Variants in GNPTG observed in about 807,000 individuals in gnomAD.
GNPTG encodes the protein N-acetylglucosamine-1-phosphate transferase subunit gamma.
GNPTG carries 46 observed loss-of-function variants against 43.8 expected under a neutral mutation model. That is an observed-to-expected ratio of 1.05 (90% CI 0.83 to 1.34). The LOEUF (loss-of-function observed/expected upper bound fraction) is 1.34, where lower values mean the gene tolerates loss of function less well. Ranked by LOEUF, GNPTG falls within the 40% of genes most tolerant of loss-of-function variation. The pLI is 0.00. For missense variants in GNPTG, 549 were observed against 411.3 expected (o/e 1.33, Z -2.90); for synonymous variants, 250 against 172.8 (o/e 1.45, Z -3.50).
At chr16:1,353,032 C>T (rs537270052) in intron 3 of GNPTG, among the ~76,000 whole-genome samples, 9 of 148,268 alleles carry the variant, frequency 6.1e-5, no homozygotes, top group South Asian at 2.1e-4. Context: ...TGCAGTGGCA[C>T]GATCTCGGCT....
intron 3 of GNPTG, chr16:1,361,366 C>T (rs904138679): frequency 1.4e-4 from 40 of 281,654 alleles, no homozygotes; most frequent in Non-Finnish European, 2.2e-4. Context: ...GGTCCTTGGC[C>T]GGGCGCGGTG....
chr16:1,356,268 C>T (rs1046457180), intron 3 of GNPTG, among the ~76,000 whole-genome samples: 2 of 152,078 alleles, frequency 1.3e-5, no homozygotes, highest in African/African-American at 4.8e-5. Flanking sequence ...CCAAGGGCAC[C>T]GGCGAGTGTC....
rs753208354 is a variant in GNPTG at position 1,352,103 on chromosome 16, G to T, written c.54G>T (p.Gly18=). The change falls in exon 2 of 11, where the codon GGG becomes GGT. Residue 18 remains glycine (G), a splice_region_variant and synonymous_variant. Coordinates refer to ENST00000204679, the MANE Select transcript of GNPTG (RefSeq NM_032520.5). The stretch of plus-strand genomic sequence containing the variant: ...CGCTCACGGTCTCGCTCCCCGTAGG[G>T]CCCGCGCCGGCAGGTGCAGCGAAGA... ...LLLLLGLSAG[G]PAPAGAAKMK... The T allele has an allele frequency of 1.3e-6, 2 of 1,571,276 alleles. No individual in the cohort carries two copies. The highest frequency in any genetic ancestry group is 1.7e-6 in the Non-Finnish European group (2 of 1,159,932).
Position 1,362,287 on chromosome 16 carries a change from AC to A in GNPTG, c.499del (p.Leu167SerfsTer9), listed in dbSNP as rs756959430. The A allele has an allele frequency of 6.2e-7, 1 of 1,612,998 alleles. No individual in the cohort carries two copies. Among genetic ancestry groups the A allele is most frequent in the Non-Finnish European group, 8.5e-7 (1 of 1,179,884 alleles). The stretch of plus-strand genomic sequence containing the variant: ...CTGCGTCTACGCGCTGACGTTCGAG[AC>A]CCCCCTCGTCTGCCACCCCCACGCC... ...STCVYALTFE[T>X]PLVCHPHALL... On this transcript the variant is annotated frameshift_variant, in exon 7 of 11. Transcript: ENST00000204679. LOFTEE classifies it high-confidence loss of function.
At position 1,351,983 on chromosome 16, in the gene GNPTG, G is replaced by T. The variant is rs1356653825; in HGVS notation, c.18G>T (p.Ala6=). The change falls in exon 1 of 11, where the codon GCG becomes GCT. Residue 6 remains alanine (A), a synonymous_variant. Transcript: ENST00000204679. The part of the protein sequence containing the change: MAAGL[A]RLLLLLGLSA... ...GCGGCGCGATGGCGGCGGGGCTGGC[G>T]CGGCTCCTGTTGCTCCTCGGGCTCT... 1 of 1,389,190 alleles carries T rather than the reference G, an allele frequency of 7.2e-7. No individual in the cohort carries two copies. The highest frequency in any genetic ancestry group is 9.3e-7 in the Non-Finnish European group (1 of 1,073,250). 86.1% of individuals were successfully genotyped at this position (1,389,190 alleles called of 1,614,324 possible).
rs771564346 is a variant in GNPTG at position 1,352,258 on chromosome 16, C to A, written c.130C>A (p.Pro44Thr). The change falls in exon 3 of 11, where the codon CCT becomes ACT. Residue 44 changes from proline (P) to threonine (T), a missense_variant. Pro to Thr is a conservative substitution (Grantham distance 38). Coordinates refer to ENST00000204679, the MANE Select transcript of GNPTG (RefSeq NM_032520.5). The stretch of plus-strand genomic sequence containing the variant: ...CCGTAGGGTGAACAACCCGTTCTTG[C>A]CTCAGGCCAGTCGCCTCCAGGCCAA... Reference protein sequence around the residue: ...NAFGVNNPFLPQASRLQAKRD... With the variant: ...NAFGVNNPFLTQASRLQAKRD... 4 of 1,548,628 alleles carry A rather than the reference C, an allele frequency of 2.6e-6. No individual in the cohort carries two copies. Among genetic ancestry groups the A allele is most frequent in the Non-Finnish European group, 2.6e-6 (3 of 1,146,932 alleles).
In GNPTG at chr16:1,362,983, TGG is replaced by T; in HGVS notation, c.824-13_824-12del. 6.2e-7 allele frequency: 1 copy of T among 1,614,036 alleles called. No homozygotes were observed. Among genetic ancestry groups the T allele is most frequent in the East Asian group, 2.2e-5 (1 of 44,868 alleles). Reference sequence around the variant, plus strand: ...TGGGTCCAGGTGAGGACTGGCCACCTGGTGTTTTGGCAGAAACTTCCAACTTG... The same window carrying T: ...TGGGTCCAGGTGAGGACTGGCCACCTTGTTTTGGCAGAAACTTCCAACTTG... On this transcript the variant is annotated splice_polypyrimidine_tract_variant and intron_variant, in intron 10 of 10. Coordinates refer to ENST00000204679, the MANE Select transcript of GNPTG (RefSeq NM_032520.5).
intron 3 of GNPTG, among the ~76,000 whole-genome samples, chr16:1,357,040 G>A (rs1429262063): frequency 6.6e-6 from 1 of 152,194 alleles, no homozygotes; most frequent in Non-Finnish European, 1.5e-5. Context: ...CTATGTGCCT[G>A]TTGGGCAGGG....
intron 3 of GNPTG, among the ~76,000 whole-genome samples, chr16:1,354,538 A>T (rs763416300): frequency 1.5e-4 from 21 of 136,158 alleles, no homozygotes; most frequent in Non-Finnish European, 2.7e-4. Context: ...GTGAGCTGAG[A>T]TCATGCCCCT....
At chr16:1,353,316 C>T (rs1291427256) in intron 3 of GNPTG, among the ~76,000 whole-genome samples, 2 of 152,168 alleles carry the variant, frequency 1.3e-5, no homozygotes, top group Non-Finnish European at 2.9e-5. Flanking sequence ...GTGTTAGGGT[C>T]TGTGCTGGGG....
At chr16:1,352,940 T>C (rs1379728473) in intron 3 of GNPTG, among the ~76,000 whole-genome samples, 1 of 151,380 alleles carries the variant, frequency 6.6e-6, no homozygotes, top group Non-Finnish European at 1.5e-5. Flanking sequence ...TGAATGAGTA[T>C]TAAATATAAT....
chr16:1,363,420 C>T lies in GNPTG; in HGVS notation c.*329C>T. On this transcript the variant is annotated 3_prime_UTR_variant, in exon 11 of 11. Transcript: ENST00000204679. ...AAATACTCAAACATACAGATTGAGG[C>T]TTCCAGAAATTAATCCACTTGAGGC... The T allele has an allele frequency of 2.7e-6, 1 of 365,908 alleles. No homozygotes were observed. The highest frequency in any genetic ancestry group is 5.3e-6 in the Non-Finnish European group (1 of 190,242). 22.7% of individuals were successfully genotyped at this position (365,908 alleles called of 1,614,324 possible).
chr16:1,356,841 C>G (rs1567181364), intron 3 of GNPTG, among the ~76,000 whole-genome samples: 1 of 151,310 alleles, frequency 6.6e-6, no homozygotes, highest in Non-Finnish European at 1.5e-5. Context: ...CTTGACCAGC[C>G]ACCCTCCCAG....
chr16:1,362,555 GC>G, intron 8 of GNPTG, 21 bp downstream of exon 8: 1 of 1,614,136 alleles, frequency 6.2e-7, no homozygotes, highest in Non-Finnish European at 8.5e-7. Flanking sequence ...GCTCGGGGTG[GC>G]CCCTGGTGGG....
chr16:1,352,137 G>T lies in GNPTG; in HGVS notation c.88G>T (p.Val30Leu). 6.3e-7 allele frequency: 1 copy of T among 1,583,064 alleles called. No homozygotes were observed. The highest frequency in any genetic ancestry group is 8.6e-7 in the Non-Finnish European group (1 of 1,166,338). ...GGCAGGTGCAGCGAAGATGAAGGTGGTGGAGGAGCCCAACGCGTTTGGGTG... is the reference window on the plus strand; with the variant it reads ...GGCAGGTGCAGCGAAGATGAAGGTGTTGGAGGAGCCCAACGCGTTTGGGTG... ...APAGAAKMKV[V>L]EEPNAFGVNN... is the part of the protein sequence containing the mutation. Residue 30 changes from valine to leucine, a missense_variant, in exon 2 of 11, where the codon GTG (valine) becomes TTG (leucine). Physicochemically the swap from Val to Leu is conservative, Grantham distance 32. Transcript: ENST00000204679.
chr16:1,363,016 C>T lies in GNPTG; in HGVS notation c.843C>T (p.His281=). 1.9e-6 allele frequency: 3 copies of T among 1,614,114 alleles called. No individual in the cohort carries two copies. The highest frequency in any genetic ancestry group is 2.2e-5 in the South Asian group (2 of 91,082). Residue 281 remains histidine (H), a synonymous_variant, in exon 11 of 11, where the codon CAC becomes CAT. Transcript: ENST00000204679. ...TRPTETSNLE[H]LGHETPRAKS... is the part of the protein sequence containing the mutation. ...TGGCAGAAACTTCCAACTTGGAGCA[C>T]TTGGGCCACGAGACGCCCAGAGCCA...
Position 1,364,006 on chromosome 16 carries a change from G to A in GNPTG, c.*915G>A, listed in dbSNP as rs1182795707. The A allele has an allele frequency of 6.6e-6, 1 of 152,206 alleles. No homozygotes were observed. Among genetic ancestry groups the A allele is most frequent in the East Asian group, 1.9e-4 (1 of 5,198 alleles). The allele number at this position is 152,206 out of a possible 1,614,324, so 9.4% of individuals were successfully genotyped here. A position where few individuals can be genotyped will look rare whatever the true frequency, so the allele number is the denominator to read the frequency against. On this transcript the variant is annotated 3_prime_UTR_variant, in exon 11 of 11. Transcript: ENST00000204679. The stretch of plus-strand genomic sequence containing the variant: ...TAGAGCTCAGCTGCTCCTGACCACT[G>A]ACAACCGGGAGATGTCTCGGCAGAC...
Position 1,352,229 on chromosome 16 carries a change from C to T in GNPTG, c.111-10C>T, listed in dbSNP as rs749067743. Reference sequence around the variant, plus strand: ...GGCCCGTTCCCCGCTGACCTTGCCGCTTCCCGTAGGGTGAACAACCCGTTC... The same window carrying T: ...GGCCCGTTCCCCGCTGACCTTGCCGTTTCCCGTAGGGTGAACAACCCGTTC... On this transcript the variant is annotated splice_polypyrimidine_tract_variant and intron_variant, in intron 2 of 10. Coordinates refer to ENST00000204679, the MANE Select transcript of GNPTG (RefSeq NM_032520.5). 21 of 1,549,550 alleles carry T rather than the reference C, an allele frequency of 1.4e-5. No individual in the cohort carries two copies. Among genetic ancestry groups the T allele is most frequent in the South Asian group, 5.9e-5 (5 of 84,042 alleles).
chr16:1,352,401 G>A, intron 3 of GNPTG, 95 bp downstream of exon 3: 1 of 1,234,986 alleles, frequency 8.1e-7, no homozygotes, highest in Non-Finnish European at 1.2e-6. Context: ...ACGGCCCGGA[G>A]TCTAAAGCAT....
Sources: gnomAD v4.1 joint callset for allele counts (sites outside exome capture counted in the v4.1 genomes callset) on GRCh38, gnomAD v4.1.1 for gene constraint, MANE v1.5 for transcripts, NCBI Gene and HGNC (gene_info 2026-07-23, HGNC 2026-07-21) for gene names.